Variants in SPMIP11 observed in about 807,000 individuals in gnomAD.
SPMIP11 encodes the protein long intergenic non-protein coding RNA 935.
the SPMIP11 span, among the ~76,000 whole-genome samples, chr12:48,733,764 C>CTTTTTTTT: frequency 6.0e-5 from 5 of 82,902 alleles, no homozygotes; most frequent in East Asian, 3.8e-4. Context: ...AATGCAGATT[C>CTTTTTTTT]TTTTTTTTTT....
At chr12:48,769,767 T>G in the SPMIP11 span, among the ~76,000 whole-genome samples, 5 of 149,898 alleles carry the variant, frequency 3.3e-5, no homozygotes, top group African/African-American at 1.2e-4. Flanking sequence ...TTGTTTTTTT[T>G]TTTTTTTTGG....
chr12:48,762,356 C>CA, the SPMIP11 span, among the ~76,000 whole-genome samples: 5 of 61,222 alleles, frequency 8.2e-5, no homozygotes, highest in African/African-American at 3.9e-4. Context: ...CCCCGCCCAG[C>CA]TTTTTTTTTT....
the SPMIP11 span, chr12:48,768,467 G>T: frequency 7.2e-7 from 1 of 1,396,786 alleles, no homozygotes; most frequent in Non-Finnish European, 1.0e-6. Context: ...CTGCTGGGAT[G>T]TTCCCTTTTG....
At chr12:48,741,753 C>A in the SPMIP11 span, among the ~76,000 whole-genome samples, 3 of 151,818 alleles carry the variant, frequency 2.0e-5, no homozygotes, top group African/African-American at 7.3e-5. Context: ...AATTCTCTAA[C>A]CTCAGCCTTC....
the SPMIP11 span, among the ~76,000 whole-genome samples, chr12:48,730,676 G>A: frequency 2.6e-5 from 4 of 152,196 alleles, no homozygotes; most frequent in South Asian, 2.1e-4. Context: ...GGTGGCTCAC[G>A]CCTGTAATCC....
At chr12:48,745,387 T>C in the SPMIP11 span, among the ~76,000 whole-genome samples, 1 of 151,070 alleles carries the variant, frequency 6.6e-6, no homozygotes, top group African/African-American at 2.4e-5. Flanking sequence ...GGCAGTTCAT[T>C]TGAGGTCAGG....
the SPMIP11 span, chr12:48,768,989 G>A: frequency 2.5e-6 from 4 of 1,614,044 alleles, no homozygotes; most frequent in Non-Finnish European, 3.4e-6. Context: ...GACATTCACT[G>A]TGTTCCCCCA....
the SPMIP11 span, among the ~76,000 whole-genome samples, chr12:48,754,375 C>T: frequency 6.6e-6 from 1 of 152,064 alleles, no homozygotes; most frequent in Non-Finnish European, 1.5e-5. Context: ...TGGTCTAAAA[C>T]TCCTAAACTC....
At chr12:48,743,082 A>G in the SPMIP11 span, among the ~76,000 whole-genome samples, 1 of 151,160 alleles carries the variant, frequency 6.6e-6, no homozygotes. Flanking sequence ...TGTCTCTACT[A>G]GAAACCCTGT....
At chr12:48,745,257 G>A in the SPMIP11 span, among the ~76,000 whole-genome samples, 17 of 151,832 alleles carry the variant, frequency 1.1e-4, no homozygotes, top group African/African-American at 4.1e-4. Flanking sequence ...CAGCCTGGGG[G>A]GCAGTGTGAG....
chr12:48,759,064 T>C, the SPMIP11 span: 2 of 600,764 alleles, frequency 3.3e-6, no homozygotes, highest in Non-Finnish European at 6.0e-6. Context: ...ACAGCCATGG[T>C]GATTGGATTC....
chr12:48,740,849 T>C, the SPMIP11 span, among the ~76,000 whole-genome samples: 1 of 151,920 alleles, frequency 6.6e-6, no homozygotes, highest in Non-Finnish European at 1.5e-5. Context: ...ATCACGCCAC[T>C]GCACTCCAGC....
At chr12:48,761,254 C>T in the SPMIP11 span, among the ~76,000 whole-genome samples, 3 of 152,010 alleles carry the variant, frequency 2.0e-5, no homozygotes, top group Admixed American at 6.6e-5. Context: ...CGAGACCAGC[C>T]TGTCCAACAT....
the SPMIP11 span, chr12:48,770,776 C>T: frequency 6.2e-7 from 1 of 1,613,922 alleles, no homozygotes; most frequent in Non-Finnish European, 8.5e-7. Flanking sequence ...CAATCTTCAT[C>T]TGGAAATTGT....
the SPMIP11 span, among the ~76,000 whole-genome samples, chr12:48,748,270 T>C: frequency 6.6e-6 from 1 of 152,144 alleles, no homozygotes; most frequent in African/African-American, 2.4e-5. Context: ...CTCCTAAAAC[T>C]ATCATCTTCT....
the SPMIP11 span, chr12:48,771,427 C>A: frequency 3.6e-6 from 2 of 559,050 alleles, no homozygotes; most frequent in Non-Finnish European, 6.5e-6. The surrounding 1 kb of genome is among the most constrained non-coding windows in gnomAD (Gnocchi z 4.3). Flanking sequence ...CTATTGCCTT[C>A]TTCTTCAGTG....
the SPMIP11 span, among the ~76,000 whole-genome samples, chr12:48,763,527 T>A: frequency 6.6e-6 from 1 of 152,096 alleles, no homozygotes; most frequent in Admixed American, 6.5e-5. Flanking sequence ...AAGCCAAAAA[T>A]GTAACATCTA....
the SPMIP11 span, among the ~76,000 whole-genome samples, chr12:48,735,670 G>A: frequency 1.3e-5 from 2 of 152,112 alleles, no homozygotes; most frequent in Non-Finnish European, 2.9e-5. Flanking sequence ...GGCCAAGGAG[G>A]GTGGATCACC....
At chr12:48,733,679 G>A in the SPMIP11 span, among the ~76,000 whole-genome samples, 1 of 149,870 alleles carries the variant, frequency 6.7e-6, no homozygotes, top group Non-Finnish European at 1.5e-5. Flanking sequence ...ATCATCTGAA[G>A]TTTCAAGTAT....
Sources: gnomAD v4.1 joint callset for allele counts (sites outside exome capture counted in the v4.1 genomes callset) on GRCh38, gnomAD v4.1.1 for gene constraint, Gnocchi (gnomAD v3.1) non-coding constraint, MANE v1.5 for transcripts, NCBI Gene and HGNC (gene_info 2026-07-23, HGNC 2026-07-21) for gene names.